ARHGAP1: variants seen among roughly 807,000 people sequenced by gnomAD.
The protein encoded by ARHGAP1 is rho GTPase-activating protein 1.
ARHGAP1 carries 23 observed loss-of-function variants against 52.2 expected under a neutral mutation model. The observed-to-expected ratio is 0.44, with a 90% CI of 0.32 to 0.62. The LOEUF is 0.62. ARHGAP1 is among the 20% of genes least tolerant of loss of function. The pLI, the probability that ARHGAP1 is intolerant of heterozygous loss-of-function variation, is 0.05. For missense variants in ARHGAP1, 480 were observed against 560.9 expected (o/e 0.86, Z 1.46); for synonymous variants, 210 against 228.4 (o/e 0.92, Z 0.73).
Position 46,680,196 on chromosome 11 carries a change from G to T in ARHGAP1, c.898+9C>A. 6.2e-7 allele frequency: 1 copy of T among 1,613,944 alleles called. No homozygotes were observed. Among genetic ancestry groups the T allele is most frequent in the Non-Finnish European group, 8.5e-7 (1 of 1,179,910 alleles). ...ACATATGGCCCTGCAACAGCCCAGG[G>T]CTGCTCACCCATGTTGTACTTCTGC... On this transcript the variant is annotated intron_variant, in intron 10 of 12. Transcript: ENST00000311956. This position sits in a 1 kb window ranked among gnomAD's most constrained non-coding sequence, Gnocchi z 5.9.
Position 46,688,175 on chromosome 11 carries a change from C to G in ARHGAP1, c.315G>C (p.Leu105=). The G allele has an allele frequency of 6.2e-7, 1 of 1,613,440 alleles. No homozygotes were observed. Among genetic ancestry groups the G allele is most frequent in the Non-Finnish European group, 8.5e-7 (1 of 1,179,624 alleles). The part of the protein sequence containing the change: ...PSHQLDHSKL[L]GYLKHTLDQY... ...CACACTTCCCAGCAGGTACTCACCC[C>G]AGGAGCTTGCTGTGGTCGAGCTGGT... The change falls in exon 4 of 13, where the codon CTG becomes CTC. Residue 105 remains leucine (L), a splice_region_variant and synonymous_variant. Transcript: ENST00000311956.
intron 3 of ARHGAP1, among the ~76,000 whole-genome samples, chr11:46,694,919 G>A (rs1163580055): frequency 6.6e-6 from 1 of 152,222 alleles, no homozygotes; most frequent in South Asian, 2.1e-4. Context: ...ATGCCTCAGA[G>A]CAGGGCCATG....
chr11:46,680,487 C>G lies in ARHGAP1; in HGVS notation c.820G>C (p.Ala274Pro). ...RETVAYLQAH[A>P]LTTEGIFRRS... ...GTGAGGAGGCAGGCCCGGCACTCACCGTGGGCCTGTAAGTAGGCAACAGTC... is the reference window on the plus strand; with the variant it reads ...GTGAGGAGGCAGGCCCGGCACTCACGGTGGGCCTGTAAGTAGGCAACAGTC... Residue 274 changes from alanine (A) to proline (P), a missense_variant and splice_region_variant, in exon 9 of 13, where the codon GCT (alanine) becomes CCT (proline). Coordinates refer to ENST00000311956, the MANE Select transcript of ARHGAP1 (RefSeq NM_004308.5). This position sits in a 1 kb window ranked among gnomAD's most constrained non-coding sequence, Gnocchi z 5.9. The G allele has an allele frequency of 6.2e-7, 1 of 1,613,688 alleles. No individual in the cohort carries two copies. The highest frequency in any genetic ancestry group is 8.5e-7 in the Non-Finnish European group (1 of 1,179,780).
At chr11:46,690,825 A>T (rs948421481) in intron 3 of ARHGAP1, among the ~76,000 whole-genome samples, 6 of 151,896 alleles carry the variant, frequency 4.0e-5, no homozygotes, top group Non-Finnish European at 8.8e-5. Flanking sequence ...TCAAAGACAG[A>T]GGCTGTGTCT....
Position 46,679,237 on chromosome 11 carries a change from A to C in ARHGAP1, c.1132-12T>G, listed in dbSNP as rs202127890. 2.4e-4 allele frequency: 379 copies of C among 1,594,552 alleles called. 1 individual carries two copies. Among genetic ancestry groups the C allele is most frequent in the Non-Finnish European group, 7.4e-5 (86 of 1,168,338 alleles). On this transcript the variant is annotated splice_polypyrimidine_tract_variant and intron_variant, in intron 12 of 12. Transcript: ENST00000311956. The surrounding 1 kb of genome is among the most constrained non-coding windows in gnomAD (Gnocchi z 4.4). ...CTGTGTGCAGAAATCTGTGGAGGGA[A>C]TCAGGGACTGCAGCAGGAAGCCACA...
chr11:46,679,710 AG>A lies in ARHGAP1; in HGVS notation c.964del (p.Leu322SerfsTer50). ...GAGCAGGGGCTCAGGAAGCTCCCGG[AG>A]GAAGGTCTTGAGGATGACTGCTGGC... Reference protein sequence around the residue: ...HLPAVILKTFLRELPEPLLTF... With the variant: ...HLPAVILKTFXRELPEPLLTF... On this transcript the variant is annotated frameshift_variant, in exon 11 of 13. Coordinates refer to ENST00000311956, the MANE Select transcript of ARHGAP1 (RefSeq NM_004308.5). LOFTEE classifies it high-confidence loss of function. The surrounding 1 kb of genome is among the most constrained non-coding windows in gnomAD (Gnocchi z 4.4). The A allele has an allele frequency of 6.2e-7, 1 of 1,614,124 alleles. No individual in the cohort carries two copies. The highest frequency in any genetic ancestry group is 8.5e-7 in the Non-Finnish European group (1 of 1,180,010).
Position 46,681,474 on chromosome 11 carries a change from C to T in ARHGAP1, c.450-95G>A. The stretch of plus-strand genomic sequence containing the variant: ...ATACTTTTTTTTTTTGAGACAGAGT[C>T]TCCTTCACCCAGGCTGGAGTGTGAT... On this transcript the variant is annotated intron_variant, in intron 5 of 12. Coordinates refer to ENST00000311956, the MANE Select transcript of ARHGAP1 (RefSeq NM_004308.5). This position sits in a 1 kb window ranked among gnomAD's most constrained non-coding sequence, Gnocchi z 5.7. 1.1e-6 allele frequency: 1 copy of T among 880,898 alleles called. No homozygotes were observed. Among genetic ancestry groups the T allele is most frequent in the South Asian group, 1.4e-5 (1 of 70,834 alleles). The allele number at this position is 880,898 out of a possible 1,614,324, so 54.6% of individuals were successfully genotyped here. A position where few individuals can be genotyped will look rare whatever the true frequency, so the allele number is the denominator to read the frequency against.
Position 46,695,955 on chromosome 11 carries a change from G to A in ARHGAP1, c.133+20C>T, listed in dbSNP as rs772928664. ...CCCTCTAAAGCGCCTGTAGCTGCCT[G>A]AGACCAGACACAAGCCCACCTGACT... On this transcript the variant is annotated intron_variant, in intron 2 of 12. Coordinates refer to ENST00000311956, the MANE Select transcript of ARHGAP1 (RefSeq NM_004308.5). The A allele has an allele frequency of 6.2e-7, 1 of 1,614,178 alleles. No homozygotes were observed. The highest frequency in any genetic ancestry group is 8.5e-7 in the Non-Finnish European group (1 of 1,180,028).
intron 1 of ARHGAP1, among the ~76,000 whole-genome samples, chr11:46,699,995 C>CATGGTGAAA (rs1565692449): frequency 6.6e-6 from 1 of 151,782 alleles, no homozygotes; most frequent in South Asian, 2.1e-4. Flanking sequence ...CATGGTGAAA[C>CATGGTGAAA]CCTGTCTCTA....
At position 46,688,165 on chromosome 11, in the gene ARHGAP1, G is replaced by T; in HGVS notation, c.317+8C>A. ...AAAGCCCCAACACACTTCCCAGCAG[G>T]TACTCACCCCAGGAGCTTGCTGTGG... On this transcript the variant is annotated splice_region_variant and intron_variant, in intron 4 of 12. Transcript: ENST00000311956. The T allele has an allele frequency of 6.2e-7, 1 of 1,612,126 alleles. No individual in the cohort carries two copies. The highest frequency in any genetic ancestry group is 8.5e-7 in the Non-Finnish European group (1 of 1,178,660).
In ARHGAP1 at chr11:46,681,217, T is replaced by C; in HGVS notation, c.536+76A>G. On this transcript the variant is annotated intron_variant, in intron 6 of 12. Transcript: ENST00000311956. This position sits in a 1 kb window ranked among gnomAD's most constrained non-coding sequence, Gnocchi z 5.7. ...ACGGAAGCCCAGCCGCACCTGGTGGTCCCCAGGCTGCCCAGCCTCCCAGCT... is the reference window on the plus strand; with the variant it reads ...ACGGAAGCCCAGCCGCACCTGGTGGCCCCCAGGCTGCCCAGCCTCCCAGCT... The C allele has an allele frequency of 6.5e-7, 1 of 1,546,070 alleles. No individual in the cohort carries two copies. Among genetic ancestry groups the C allele is most frequent in the East Asian group, 2.2e-5 (1 of 44,504 alleles).
Position 46,680,986 on chromosome 11 carries a change from C to T in ARHGAP1, c.635+25G>A, listed in dbSNP as rs773420882. The T allele has an allele frequency of 6.2e-7, 1 of 1,602,156 alleles. No individual in the cohort carries two copies. Among genetic ancestry groups the T allele is most frequent in the African/African-American group, 1.3e-5 (1 of 74,824 alleles). On this transcript the variant is annotated intron_variant, in intron 7 of 12. Transcript: ENST00000311956. This position sits in a 1 kb window ranked among gnomAD's most constrained non-coding sequence, Gnocchi z 5.9. ...GTCCTCATTACCCTGGCTTCACGAG[C>T]CCCCAGCCGCCGCACCCGCCTCACT...
Position 46,678,926 on chromosome 11 carries a change from T to C in ARHGAP1, c.*111A>G. On this transcript the variant is annotated 3_prime_UTR_variant, in exon 13 of 13. Coordinates refer to ENST00000311956, the MANE Select transcript of ARHGAP1 (RefSeq NM_004308.5). ...GGACAGAGGTGGGGGAGAGCATGCC[T>C]GATGGGTGGCTCCAACATCTCTCTC... 7.9e-7 allele frequency: 1 copy of C among 1,258,202 alleles called. No homozygotes were observed. Among genetic ancestry groups the C allele is most frequent in the African/African-American group, 1.5e-5 (1 of 66,722 alleles). 77.9% of individuals were successfully genotyped at this position (1,258,202 alleles called of 1,614,324 possible).
chr11:46,683,821 G>A (rs1251787602), intron 4 of ARHGAP1, among the ~76,000 whole-genome samples: 1 of 152,106 alleles, frequency 6.6e-6, no homozygotes, highest in Non-Finnish European at 1.5e-5. Context: ...TGTATTTTCA[G>A]TAGAGATGGG....
In ARHGAP1 at chr11:46,678,544, A is replaced by G. The variant is rs1169305574; in HGVS notation, c.*493T>C. On this transcript the variant is annotated 3_prime_UTR_variant, in exon 13 of 13. Transcript: ENST00000311956. The stretch of plus-strand genomic sequence containing the variant: ...CAAGGGTGCTTGCACTCAGGCCTTC[A>G]TGCAGTGGGGCTTCTGCAAAGCAGG... 2 of 176,802 alleles carry G rather than the reference A, an allele frequency of 1.1e-5. No homozygotes were observed. The highest frequency in any genetic ancestry group is 4.8e-5 in the African/African-American group (2 of 41,572). 11.0% of individuals were successfully genotyped at this position (176,802 alleles called of 1,614,324 possible).
At chr11:46,699,300 G>A (rs1335340586) in intron 1 of ARHGAP1, among the ~76,000 whole-genome samples, 1 of 152,168 alleles carries the variant, frequency 6.6e-6, no homozygotes, top group Non-Finnish European at 1.5e-5. Flanking sequence ...AAGTAAAGAA[G>A]GGAACCCACA....
chr11:46,691,720 A>G (rs909806456), intron 3 of ARHGAP1, among the ~76,000 whole-genome samples: 3 of 151,610 alleles, frequency 2.0e-5, no homozygotes, highest in African/African-American at 7.3e-5. Flanking sequence ...CCAAAATGCT[A>G]TGATTACAGG....
At position 46,681,183 on chromosome 11, in the gene ARHGAP1, C is replaced by T. The variant is rs1485752026; in HGVS notation, c.537-74G>A. On this transcript the variant is annotated intron_variant, in intron 6 of 12. Transcript: ENST00000311956. This position sits in a 1 kb window ranked among gnomAD's most constrained non-coding sequence, Gnocchi z 5.7. The stretch of plus-strand genomic sequence containing the variant: ...CCTCCACTCTCCCCTCAACACCCAC[C>T]CAGTTCAGACGGAAGCCCAGCCGCA... 7.2e-6 allele frequency: 11 copies of T among 1,538,270 alleles called. No individual in the cohort carries two copies. Among genetic ancestry groups the T allele is most frequent in the Non-Finnish European group, 9.9e-6 (11 of 1,111,580 alleles).
rs1001791343 is a variant in ARHGAP1, at chr11:46,681,234, C to T, written c.536+59G>A. ...CCTGGTGGTCCCCAGGCTGCCCAGC[C>T]TCCCAGCTTCAGAGTTCCAGGCAAG... On this transcript the variant is annotated intron_variant, in intron 6 of 12. Coordinates refer to ENST00000311956, the MANE Select transcript of ARHGAP1 (RefSeq NM_004308.5). The surrounding 1 kb of genome is among the most constrained non-coding windows in gnomAD (Gnocchi z 5.7). 1.3e-6 allele frequency: 2 copies of T among 1,566,506 alleles called. No individual in the cohort carries two copies. The highest frequency in any genetic ancestry group is 8.8e-7 in the Non-Finnish European group (1 of 1,136,842).
Sources: allele counts gnomAD v4.1 joint callset (sites outside exome capture counted in the v4.1 genomes callset), GRCh38; gene constraint gnomAD v4.1.1; non-coding constraint Gnocchi (gnomAD v3.1); transcripts MANE v1.5; gene names NCBI Gene and HGNC (gene_info 2026-07-23, HGNC 2026-07-21).